Variants in CPM observed in about 807,000 individuals in gnomAD.
CPM encodes carboxypeptidase M, also known as renal carboxypeptidase.
A neutral mutation model predicts 46.4 loss-of-function variants in CPM; 35 were observed. That is an observed-to-expected ratio of 0.75 (90% CI 0.58 to 1.00). The LOEUF is 1.00. Ranked by LOEUF, CPM falls within the 50% of genes least tolerant of loss-of-function variation. The pLI is 0.00. For synonymous variants in CPM, 195 were observed against 195.3 expected, an observed-to-expected ratio of 1.00 and a Z score of 0.01; for missense variants, 422 against 530.4, an observed-to-expected ratio of 0.80 and a Z score of 2.01.
intron 2 of CPM, chr12:68,913,779 G>A (rs760091308): frequency 2.9e-5 from 16 of 555,140 alleles, no homozygotes; most frequent in African/African-American, 1.3e-4. Flanking sequence ...AATCCCATGC[G>A]GAAACCCAGT....
intron 2 of CPM, among the ~76,000 whole-genome samples, chr12:68,892,333 A>G (rs931557047): frequency 3.3e-5 from 5 of 152,062 alleles, no homozygotes; most frequent in African/African-American, 1.2e-4. Context: ...GGAAGGAGGG[A>G]GTCGAGGGGC....
chr12:68,927,306 G>A (rs950047465), intron 2 of CPM, among the ~76,000 whole-genome samples: 1 of 151,064 alleles, frequency 6.6e-6, no homozygotes, highest in African/African-American at 2.4e-5. Context: ...GCATTTCTCT[G>A]ATGGCCAGTG....
chr12:68,910,732 CTG>C (rs1173529922), intron 2 of CPM, among the ~76,000 whole-genome samples: 1 of 152,082 alleles, frequency 6.6e-6, no homozygotes, highest in East Asian at 1.9e-4. Flanking sequence ...AACTAGATGA[CTG>C]TATCATTTCA....
At chr12:68,879,473 T>C (rs1565777431) in intron 3 of CPM, among the ~76,000 whole-genome samples, 1 of 152,056 alleles carries the variant, frequency 6.6e-6, no homozygotes, top group Non-Finnish European at 1.5e-5. Flanking sequence ...AAGCAATCCT[T>C]CCACCTCAGC....
chr12:68,902,494 T>C (rs1262687228), intron 2 of CPM, among the ~76,000 whole-genome samples: 1 of 152,170 alleles, frequency 6.6e-6, no homozygotes, highest in Non-Finnish European at 1.5e-5. Context: ...GAAATCTCTA[T>C]TGGTTTCGGA....
intron 1 of CPM, among the ~76,000 whole-genome samples, chr12:68,949,191 C>A (rs78425251): frequency 0.035 from 5,329 of 152,090 alleles, 241 homozygotes; most frequent in African/African-American, 0.11. Flanking sequence ...GCCAACATGG[C>A]GAAAGCTCAT....
chr12:68,853,979 T>C lies in CPM; in HGVS notation c.*2458A>G, dbSNP rs1011253331. Reference sequence around the variant, plus strand: ...CAGGGTAACTCTCATAGTGGAGAACTTGAGAAGCATTAGTACTTCAAATTG... The same window carrying C: ...CAGGGTAACTCTCATAGTGGAGAACCTGAGAAGCATTAGTACTTCAAATTG... On this transcript the variant is annotated 3_prime_UTR_variant, in exon 9 of 9. Coordinates refer to ENST00000551568, the MANE Select transcript of CPM (RefSeq NM_198320.5). 2 of 151,970 alleles carry C rather than the reference T, an allele frequency of 1.3e-5. No homozygotes were observed. The highest frequency in any genetic ancestry group is 6.5e-5 in the Admixed American group (1 of 15,268). The allele number at this position is 151,970 out of a possible 1,614,324, so 9.4% of individuals were successfully genotyped here.
rs1170799827 is a variant in CPM, at chr12:68,878,633, T to C, written c.259-6677A>G. On this transcript the variant is annotated intron_variant, in intron 3 of 8. Coordinates refer to ENST00000551568, the MANE Select transcript of CPM (RefSeq NM_198320.5). Reference sequence around the variant, plus strand: ...CAAAATTATCCTTAAAAACTCCCAGTCTCTGAATTTTTGGGGAGACTGACT... The same window carrying C: ...CAAAATTATCCTTAAAAACTCCCAGCCTCTGAATTTTTGGGGAGACTGACT... Among the ~76,000 whole-genome samples, 4 of 152,154 alleles carry C rather than the reference T, an allele frequency of 2.6e-5. 1 individual carries two copies. In the South Asian group the frequency reaches 8.3e-4, roughly 32 times the overall value.
At chr12:68,926,063 T>G (rs554036067) in intron 2 of CPM, among the ~76,000 whole-genome samples, 3 of 152,018 alleles carry the variant, frequency 2.0e-5, no homozygotes, top group Non-Finnish European at 4.4e-5. Context: ...ATGACAGGCA[T>G]ATGCCACCAT....
At chr12:68,877,985 T>C (rs1886032787) in intron 3 of CPM, among the ~76,000 whole-genome samples, 1 of 152,248 alleles carries the variant, frequency 6.6e-6, no homozygotes. Context: ...TATCTCTTTA[T>C]TTTCAGGTTG....
At chr12:68,932,924 C>G (rs899788923) in intron 1 of CPM, 84 bp from the exon 2 acceptor site, 36 of 1,299,080 alleles carry the variant, frequency 2.8e-5, no homozygotes, top group Middle Eastern at 5.4e-4. Flanking sequence ...GTACTCCGGT[C>G]TCAGGGTCTC....
At chr12:68,858,189 A>C (rs759367295) in intron 8 of CPM, among the ~76,000 whole-genome samples, 28 of 152,218 alleles carry the variant, frequency 1.8e-4, no homozygotes, top group Non-Finnish European at 4.0e-4. Context: ...TCTATATAGA[A>C]TGACTGCTAT....
At chr12:68,899,926 T>G (rs557912217) in intron 2 of CPM, among the ~76,000 whole-genome samples, 5 of 152,186 alleles carry the variant, frequency 3.3e-5, no homozygotes, top group Non-Finnish European at 7.4e-5. Context: ...AATCAACAGA[T>G]GGAGCTCATG....
At chr12:68,844,609 G>A (rs1884105263) in intron 5 of CPM, 1 of 226,830 alleles carries the variant, frequency 4.4e-6, no homozygotes, top group Non-Finnish European at 8.8e-6. Flanking sequence ...CCACCAAGCT[G>A]GGAACCTCTT....
upstream of CPM, among the ~76,000 whole-genome samples, chr12:68,936,388 T>A (rs529398086): frequency 2.6e-4 from 39 of 151,910 alleles, no homozygotes; most frequent in African/African-American, 8.7e-4. Flanking sequence ...CTTCTTTCTT[T>A]CTTCTTTTTT....
rs1411910203 is a variant in CPM, at chr12:68,928,462, T to C, written c.160+4216A>G. On this transcript the variant is annotated intron_variant, in intron 2 of 8. Transcript: ENST00000551568. The stretch of plus-strand genomic sequence containing the variant: ...TAGGCAGATCTGAGTTTGAATCTTC[T>C]AATACTTAGCTATGTTATCTTCAGC... Among the ~76,000 whole-genome samples, 3 of 152,256 alleles carry C rather than the reference T, an allele frequency of 2.0e-5. No homozygotes were observed. In the East Asian group the frequency reaches 5.8e-4, roughly 29 times the overall value.
Position 68,886,460 on chromosome 12 carries a change from G to C in CPM, c.161-571C>G, listed in dbSNP as rs561544057. On this transcript the variant is annotated intron_variant, in intron 2 of 8. Coordinates refer to ENST00000551568, the MANE Select transcript of CPM (RefSeq NM_198320.5). ...ATCCTGGCTAACACAGTGAAATCCC[G>C]TCTCTACTAAATATACAAAAAATTA... Among the ~76,000 whole-genome samples, 181 of 152,136 alleles carry C rather than the reference G, an allele frequency of 1.2e-3. 1 individual carries two copies. The highest frequency in any genetic ancestry group is 3.4e-3 in the Middle Eastern group (1 of 294).
intron 2 of CPM, among the ~76,000 whole-genome samples, chr12:68,910,354 T>C (rs1408049331): frequency 6.6e-6 from 1 of 152,182 alleles, no homozygotes; most frequent in Non-Finnish European, 1.5e-5. Flanking sequence ...TACAAGAGTG[T>C]TACTCATAAG....
intron 1 of CPM, chr12:68,957,500 G>C: frequency 4.3e-6 from 1 of 234,552 alleles, no homozygotes; most frequent in South Asian, 6.6e-5. Context: ...CAGCTCCAGT[G>C]ACTGAAATCT....
Sources: gnomAD v4.1 joint callset for allele counts (sites outside exome capture counted in the v4.1 genomes callset) on GRCh38, gnomAD v4.1.1 for gene constraint, MANE v1.5 for transcripts, NCBI Gene and HGNC (gene_info 2026-07-23, HGNC 2026-07-21) for gene names.